Variants in NOXA1 observed in about 807,000 individuals in gnomAD.
The protein encoded by NOXA1 is NCF2-like protein.
In NOXA1, 56 loss-of-function variants were observed where a neutral mutation model predicts 64.8. The observed-to-expected ratio is 0.86, with a 90% CI of 0.70 to 1.08. The LOEUF (loss-of-function observed/expected upper bound fraction) is 1.08, where lower values mean the gene tolerates loss of function less well. Among genes scored for constraint, NOXA1 ranks in the 50% least tolerant of loss-of-function variants. NOXA1 has a pLI of 0.00. For synonymous variants in NOXA1, 295 were observed against 294.8 expected, an observed-to-expected ratio of 1.00 and a Z score of -0.01; for missense variants, 668 against 658.5, an observed-to-expected ratio of 1.01 and a Z score of -0.16.
At chr9:137,433,385 G>T in intron 10 of NOXA1, 68 bp from the exon 11 acceptor site, 1 of 1,524,588 alleles carries the variant, frequency 6.6e-7, no homozygotes, top group East Asian at 2.3e-5. Flanking sequence ...ACACCCCTCG[G>T]GCTGAAGACG....
chr9:137,433,915 C>A, intron 12 of NOXA1, 50 bp from the exon 13 acceptor site: 1 of 1,501,402 alleles, frequency 6.7e-7, no homozygotes, highest in East Asian at 2.5e-5. Flanking sequence ...GCGGTGGAGG[C>A]CCCTCCTCCC....
chr9:137,423,959 G>A (rs1053591425), intron 1 of NOXA1, among the ~76,000 whole-genome samples: 2 of 152,148 alleles, frequency 1.3e-5, no homozygotes, highest in Admixed American at 1.3e-4. Context: ...TGCTGGGCTG[G>A]GTCAGGCCCG....
intron 2 of NOXA1, among the ~76,000 whole-genome samples, 162 bp downstream of exon 2, chr9:137,426,492 C>T (rs28563072): frequency 0.15 from 22,362 of 152,200 alleles, 2,003 homozygotes; most frequent in Admixed American, 0.29. Context: ...GTGGCCCTCG[C>T]CTCTGCTGAG....
chr9:137,433,395 G>T (rs1309989151), intron 10 of NOXA1, 58 bp from the exon 11 acceptor site: 2 of 1,539,132 alleles, frequency 1.3e-6, no homozygotes, highest in South Asian at 1.2e-5. Flanking sequence ...GGCTGAAGAC[G>T]GCCCTGACCA....
Position 137,433,813 on chromosome 9 carries a change from G to GGCCTGGCAGGACGCAGCT in NOXA1, c.1134_1151dup (p.Trp378_Ala383dup). On this transcript the variant is annotated inframe_insertion, in exon 12 of 14. Transcript: ENST00000683555. ...TCCCCGAGGAGGAGTCGCTGCAGAG[G>GGCCTGGCAGGACGCAGCT]GCCTGGCAGGACGCAGCTGCCTGCC... 4.8e-6 allele frequency: 7 copies of GGCCTGGCAGGACGCAGCT among 1,453,036 alleles called. No homozygotes were observed. Among genetic ancestry groups the GGCCTGGCAGGACGCAGCT allele is most frequent in the Non-Finnish European group, 6.4e-6 (7 of 1,100,048 alleles). 90.0% of individuals were successfully genotyped at this position (1,453,036 alleles called of 1,614,324 possible).
Position 137,431,319 on chromosome 9 carries a change from C to T in NOXA1, c.782C>T (p.Thr261Met), listed in dbSNP as rs919223308. ...AETEVGADRCTSTAYQEQRPQ... is the reference protein window; with the variant it reads ...AETEVGADRCMSTAYQEQRPQ... ...ACAGAGGTCGGTGCTGACCGCTGCA[C>T]GTCGACTGCCTACCAGGAGCAGGTG... The change falls in exon 8 of 14, where the codon ACG (threonine) becomes ATG (methionine). Residue 261 changes from threonine to methionine, a missense_variant. Physicochemically the swap from Thr to Met is moderately conservative, Grantham distance 81 (BLOSUM62 -1). Coordinates refer to ENST00000683555, the MANE Select transcript of NOXA1 (RefSeq NM_001256067.2). This position sits in a 1 kb window ranked among gnomAD's most constrained non-coding sequence, Gnocchi z 5.6. The T allele has an allele frequency of 9.9e-6, 16 of 1,610,378 alleles. No homozygotes were observed. Among genetic ancestry groups the T allele is most frequent in the African/African-American group, 5.3e-5 (4 of 74,940 alleles).
At chr9:137,423,918 C>T (rs1249421323) in intron 1 of NOXA1, among the ~76,000 whole-genome samples, 1 of 152,064 alleles carries the variant, frequency 6.6e-6, no homozygotes, top group Non-Finnish European at 1.5e-5. Context: ...GGCCGGGGCC[C>T]GAGGGTGACT....
intron 6 of NOXA1, 99 bp from the exon 7 acceptor site, chr9:137,430,976 C>T (rs1588467624): frequency 5.0e-6 from 8 of 1,589,940 alleles, no homozygotes; most frequent in East Asian, 2.2e-5. Flanking sequence ...CCATCCCATC[C>T]CTGTGTAAGA....
At chr9:137,433,166 T>C (rs1180400681) in intron 9 of NOXA1, 39 bp from the exon 10 acceptor site, 2 of 1,609,572 alleles carry the variant, frequency 1.2e-6, no homozygotes, top group Admixed American at 1.7e-5. Flanking sequence ...GGGCCCACTT[T>C]GGTGGTAGTG....
chr9:137,431,408 C>G lies in NOXA1; in HGVS notation c.804+67C>G. The G allele has an allele frequency of 7.7e-7, 1 of 1,299,116 alleles. No individual in the cohort carries two copies. The highest frequency in any genetic ancestry group is 1.1e-6 in the Non-Finnish European group (1 of 912,292). 80.5% of individuals were successfully genotyped at this position (1,299,116 alleles called of 1,614,324 possible). A position where few individuals can be genotyped will look rare whatever the true frequency, so the allele number is the denominator to read the frequency against. Reference sequence around the variant, plus strand: ...TTCTGCTGCCTCCGCAGACTGGGGACCACAATGGGACCAACATGAGGGTGG... The same window carrying G: ...TTCTGCTGCCTCCGCAGACTGGGGAGCACAATGGGACCAACATGAGGGTGG... On this transcript the variant is annotated intron_variant, in intron 8 of 13. Transcript: ENST00000683555. The surrounding 1 kb of genome is among the most constrained non-coding windows in gnomAD (Gnocchi z 5.6).
Position 137,433,906 on chromosome 9 carries a change from C to T in NOXA1, c.1179+42C>T, listed in dbSNP as rs375289372. ...GCAGGGGCAGGGGCACCCTGAGGGG[C>T]GGTGGAGGCCCCTCCTCCCAGTGCC... On this transcript the variant is annotated intron_variant, in intron 12 of 13. Transcript: ENST00000683555. 75 of 1,486,642 alleles carry T rather than the reference C, an allele frequency of 5.0e-5. 1 individual carries two copies. Among genetic ancestry groups the T allele is most frequent in the South Asian group, 1.7e-4 (13 of 77,090 alleles). 92.1% of individuals were successfully genotyped at this position (1,486,642 alleles called of 1,614,324 possible).
chr9:137,432,175 GA>G (rs967205472), intron 8 of NOXA1, among the ~76,000 whole-genome samples: 5 of 151,840 alleles, frequency 3.3e-5, no homozygotes, highest in African/African-American at 1.2e-4. Context: ...AGCACCGTGG[GA>G]GGCTGAGGTG....
intron 1 of NOXA1, among the ~76,000 whole-genome samples, chr9:137,425,322 T>G (rs1016336837): frequency 6.6e-6 from 1 of 152,244 alleles, no homozygotes; most frequent in African/African-American, 2.4e-5. Flanking sequence ...AGACGTGTGT[T>G]GTTCTTTCTG....
chr9:137,429,309 AG>A lies in NOXA1; in HGVS notation c.542del (p.Gly181AlafsTer11). 1 of 1,574,724 alleles carries A rather than the reference AG, an allele frequency of 6.4e-7. No individual in the cohort carries two copies. The highest frequency in any genetic ancestry group is 1.2e-5 in the South Asian group (1 of 85,806). ...RGSLPPRQVP[R>X]GEVFRPHRWH... ...CTCACTGCCGCCACGGCAGGTCCCC[AG>A]GGGCGAGGTCTTCCGGCCCCACCGG... On this transcript the variant is annotated frameshift_variant, in exon 5 of 14. Transcript: ENST00000683555. LOFTEE classifies it high-confidence loss of function.
At chr9:137,425,349 A>G (rs1206166398) in intron 1 of NOXA1, among the ~76,000 whole-genome samples, 1 of 152,206 alleles carries the variant, frequency 6.6e-6, no homozygotes. Context: ...ATAGATTTCT[A>G]GGGTGTCATT....
intron 3 of NOXA1, 55 bp from the exon 4 acceptor site, chr9:137,428,827 G>C: frequency 6.6e-7 from 1 of 1,506,122 alleles, no homozygotes; most frequent in Non-Finnish European, 8.9e-7. Context: ...GGGGAACCGG[G>C]AGAGGGCCTG....
Position 137,433,739 on chromosome 9 carries a change from T to A in NOXA1, c.1065-11T>A. The A allele has an allele frequency of 6.8e-7, 1 of 1,464,032 alleles. No individual in the cohort carries two copies. The highest frequency in any genetic ancestry group is 1.4e-5 in the South Asian group (1 of 71,962). 90.7% of individuals were successfully genotyped at this position (1,464,032 alleles called of 1,614,324 possible). On this transcript the variant is annotated splice_polypyrimidine_tract_variant and intron_variant, in intron 11 of 13. Transcript: ENST00000683555. ...CACCCAGGAGGCCCCCTCTGAGGAA[T>A]CTCTTTGCAGTTACCTAGCCCCAGG...
chr9:137,427,353 A>G (rs1838883316), intron 2 of NOXA1, among the ~76,000 whole-genome samples: 2 of 152,208 alleles, frequency 1.3e-5, no homozygotes, highest in South Asian at 4.1e-4. Flanking sequence ...CTGGTCATCA[A>G]AACACCAAGA....
chr9:137,427,360 A>C (rs916391076), intron 2 of NOXA1, among the ~76,000 whole-genome samples: 1 of 152,204 alleles, frequency 6.6e-6, no homozygotes, highest in Non-Finnish European at 1.5e-5. Context: ...TCAAAACACC[A>C]AGATGAACAA....
Sources: allele counts gnomAD v4.1 joint callset (sites outside exome capture counted in the v4.1 genomes callset), GRCh38; gene constraint gnomAD v4.1.1; non-coding constraint Gnocchi (gnomAD v3.1); transcripts MANE v1.5; gene names NCBI Gene and HGNC (gene_info 2026-07-23, HGNC 2026-07-21).